NLGN3: variants seen among roughly 807,000 people sequenced by gnomAD.
NLGN3 encodes neuroligin 3.
Under a neutral mutation model 42.9 loss-of-function variants are expected in NLGN3, and 11 were observed. That is an observed-to-expected ratio of 0.26 (90% CI 0.16 to 0.42). The LOEUF is 0.42. Among genes scored for constraint, NLGN3 ranks in the 10% least tolerant of loss-of-function variants. NLGN3 has a pLI of 1.00. For missense variants in NLGN3, 374 were observed against 733.8 expected (o/e 0.51, Z 5.67); for synonymous variants, 279 against 312.7 (o/e 0.89, Z 1.14).
rs747037180 is a variant in NLGN3, at chrX:71,167,570, C to T, written c.1473C>T (p.Ala491=). The part of the protein sequence containing the change: ...HQWVEPSVVT[A]DLHARYGSPT... ...GGGTGGAGCCCTCAGTGGTGACAGC[C>T]GATCTGCATGCCCGCTACGGCTCGC... Residue 491 remains alanine, a synonymous_variant, in exon 7 of 8, where the codon GCC becomes GCT. Coordinates refer to ENST00000358741, the MANE Select transcript of NLGN3 (RefSeq NM_181303.2). 18 of 1,211,320 alleles carry T rather than the reference C, an allele frequency of 1.5e-5. No individual in the cohort carries two copies. Among genetic ancestry groups the T allele is most frequent in the Admixed American group, 1.3e-4 (6 of 45,996 alleles).
Position 71,170,277 on chromosome X carries a change from G to T in NLGN3, c.*180G>T. 8.9e-7 allele frequency: 1 copy of T among 1,120,165 alleles called. No homozygotes were observed. The highest frequency in any genetic ancestry group is 1.2e-6 in the Non-Finnish European group (1 of 853,531). 92.3% of individuals were successfully genotyped at this position (1,120,165 alleles called of 1,213,427 possible). A position where few individuals can be genotyped will look rare whatever the true frequency, so the allele number is the denominator to read the frequency against. On this transcript the variant is annotated 3_prime_UTR_variant, in exon 8 of 8. Coordinates refer to ENST00000358741, the MANE Select transcript of NLGN3 (RefSeq NM_181303.2). The stretch of plus-strand genomic sequence containing the variant: ...CATAGACAGATGTGGACATGCACCC[G>T]CATGTACAAAAACACAAATACGGAA...
At chrX:71,158,390 G>T (rs907924816) in intron 5 of NLGN3, among the ~76,000 whole-genome samples, 1 of 112,173 alleles carries the variant, frequency 8.9e-6, no homozygotes, top group Non-Finnish European at 1.9e-5. Flanking sequence ...CGGCTGGGCT[G>T]CACAGTTTCT....
rs970816942 is a variant in NLGN3, at chrX:71,151,340, T to C, written c.518-2137T>C. Reference sequence around the variant, plus strand: ...AGAAAAAAAAAAAACTCAGCTGGTTTCCCTAAGTCCCATGGGCCAATCAGG... The same window carrying C: ...AGAAAAAAAAAAAACTCAGCTGGTTCCCCTAAGTCCCATGGGCCAATCAGG... On this transcript the variant is annotated intron_variant, in intron 3 of 7. Coordinates refer to ENST00000358741, the MANE Select transcript of NLGN3 (RefSeq NM_181303.2). Among the ~76,000 whole-genome samples, 4 of 111,599 alleles carry C rather than the reference T, an allele frequency of 3.6e-5. No homozygotes were observed. The South Asian group carries it at 1.1e-3, about 31-fold the overall frequency.
intron 4 of NLGN3, among the ~76,000 whole-genome samples, chrX:71,154,740 C>T (rs2092402579): frequency 9.0e-6 from 1 of 111,716 alleles, no homozygotes; most frequent in East Asian, 2.8e-4. Context: ...TCTGTCTGCA[C>T]TGGGGGGCCA....
chrX:71,169,899 G>A lies in NLGN3; in HGVS notation c.2349G>A (p.Thr783=), dbSNP rs1328431668. 2.2e-5 allele frequency: 26 copies of A among 1,196,961 alleles called. No individual in the cohort carries two copies. The highest frequency in any genetic ancestry group is 2.3e-4 in the Middle Eastern group (1 of 4,361). ...HECEAGPPHD[T]LRLTALPDYT... ...GTGAGGCCGGTCCCCCCCATGACAC[G>A]CTGCGCCTCACTGCATTGCCCGACT... Residue 783 remains threonine (T), a synonymous_variant, in exon 8 of 8, where the codon ACG becomes ACA. Transcript: ENST00000358741.
intron 5 of NLGN3, among the ~76,000 whole-genome samples, chrX:71,161,620 A>G (rs1386994447): frequency 9.1e-6 from 1 of 110,130 alleles, no homozygotes; most frequent in Non-Finnish European, 1.9e-5. Context: ...TTAAAAATAT[A>G]AAAATTAGCC....
intron 4 of NLGN3, among the ~76,000 whole-genome samples, chrX:71,154,573 C>T (rs1241719673): frequency 8.9e-6 from 1 of 112,308 alleles, no homozygotes; most frequent in Non-Finnish European, 1.9e-5. Flanking sequence ...CCCAATGCTT[C>T]TGGTTAAGTC....
rs577101177 is a variant in NLGN3 at position 71,147,968 on chromosome X, C to G, written c.219C>G (p.Pro73=). ...CTGTGGACCAATACCTGGGGGTGCC[C>G]TACGCAGCTCCCCCGATCGGCGAGA... ...LGPVDQYLGV[P]YAAPPIGEKR... The change falls in exon 2 of 8, where the codon CCC becomes CCG. Residue 73 remains proline, a synonymous_variant. Transcript: ENST00000358741. The G allele has an allele frequency of 4.1e-6, 5 of 1,207,817 alleles. No homozygotes were observed. In the Admixed American group the frequency reaches 8.7e-5, roughly 21 times the overall value.
At chrX:71,156,080 C>T (rs767500205) in intron 5 of NLGN3, among the ~76,000 whole-genome samples, 1 of 110,536 alleles carries the variant, frequency 9.0e-6, no homozygotes, top group Non-Finnish European at 1.9e-5. Context: ...TACACCGATA[C>T]CCACGATGCA....
rs775021336 is a variant in NLGN3 at position 71,150,212 on chromosome X, T to G, written c.517+1307T>G. Among the ~76,000 whole-genome samples, 7 of 111,533 alleles carry G rather than the reference T, an allele frequency of 6.3e-5. No individual in the cohort carries two copies. In the South Asian group the frequency reaches 2.6e-3, roughly 42 times the overall value. On this transcript the variant is annotated intron_variant, in intron 3 of 7. Coordinates refer to ENST00000358741, the MANE Select transcript of NLGN3 (RefSeq NM_181303.2). Reference sequence around the variant, plus strand: ...ATGTTTTTTGTGTAATTCAGAAGCATCATGGTGCTGCAGAAAGAGTACAGG... The same window carrying G: ...ATGTTTTTTGTGTAATTCAGAAGCAGCATGGTGCTGCAGAAAGAGTACAGG...
At chrX:71,171,773 T>G, downstream of NLGN3, 14 of 424,448 alleles carry the variant, frequency 3.3e-5, no homozygotes, top group South Asian at 1.2e-4. Context: ...CTTGGGGCCC[T>G]GGGAGCGATT....
intron 5 of NLGN3, among the ~76,000 whole-genome samples, chrX:71,158,996 G>A (rs753058147): frequency 9.0e-6 from 1 of 110,933 alleles, no homozygotes; most frequent in Non-Finnish European, 1.9e-5. Flanking sequence ...GCACACATGC[G>A]TGTGTGCACA....
intron 6 of NLGN3, 49 bp downstream of exon 6, chrX:71,164,377 C>T (rs766867567): frequency 8.8e-7 from 1 of 1,133,000 alleles, no homozygotes; most frequent in Non-Finnish European, 1.2e-6. Flanking sequence ...GCCGGCTGTC[C>T]CAGCATGCCC....
Position 71,164,235 on chromosome X carries a change from T to G in NLGN3, c.820T>G (p.Phe274Val). 8 of 1,212,536 alleles carry G rather than the reference T, an allele frequency of 6.6e-6. No individual in the cohort carries two copies. Among genetic ancestry groups the G allele is most frequent in the Non-Finnish European group, 7.8e-6 (7 of 895,613 alleles). Reference sequence around the variant, plus strand: ...CCGCTGGGTGAGCGAGAATATTGCCTTCTTCGGGGGAGACCCCCGCCGGAT... The same window carrying G: ...CCGCTGGGTGAGCGAGAATATTGCCGTCTTCGGGGGAGACCCCCGCCGGAT... ...ALRWVSENIA[F>V]FGGDPRRITV... The change falls in exon 6 of 8, where the codon TTC becomes GTC. Residue 274 changes from phenylalanine (F) to valine (V), a missense_variant. Phe to Val is a conservative substitution (Grantham distance 50). This residue lies in a region of NLGN3 where 28 missense variants were observed against 48.2 expected (regional missense o/e 0.58). Transcript: ENST00000358741.
At chrX:71,152,410 C>T (rs2092394426) in intron 3 of NLGN3, among the ~76,000 whole-genome samples, 1 of 110,493 alleles carries the variant, frequency 9.1e-6, no homozygotes, top group Admixed American at 9.7e-5. Flanking sequence ...TCCCTTCCTT[C>T]CCCTTTCCCC....
In NLGN3 at chrX:71,164,125, G is replaced by A. The variant is rs767734683; in HGVS notation, c.728-18G>A. 8.3e-7 allele frequency: 1 copy of A among 1,209,674 alleles called. No homozygotes were observed. Among genetic ancestry groups the A allele is most frequent in the South Asian group, 1.8e-5 (1 of 56,830 alleles). On this transcript the variant is annotated intron_variant, in intron 5 of 7. Transcript: ENST00000358741. ...ATCCCTCTGCCTTCATTGTCTTCAT[G>A]CCCTTTGTTGAATCCAGGTTTCCTG... is the stretch of plus-strand genomic sequence containing the variant.
In NLGN3 at chrX:71,149,189, G is replaced by A. The variant is rs775392102; in HGVS notation, c.517+284G>A. Among the ~76,000 whole-genome samples the A allele has an allele frequency of 4.5e-5, 5 of 111,483 alleles. No homozygotes were observed. The South Asian group carries it at 1.9e-3, about 43-fold the overall frequency. ...AAAGGCAGAGCCAGTGGCTCTCTCG[G>A]TGACACCTCAGGAGAAACTCTAGGA... On this transcript the variant is annotated intron_variant, in intron 3 of 7. Coordinates refer to ENST00000358741, the MANE Select transcript of NLGN3 (RefSeq NM_181303.2).
At chrX:71,168,866 AAAGAG>A (rs1190856833) in intron 7 of NLGN3, among the ~76,000 whole-genome samples, 2 of 89,934 alleles carry the variant, frequency 2.2e-5, no homozygotes, top group African/African-American at 1.2e-4. Context: ...AGAAAGAAAG[AAAGAG>A]AAAGAAAAGA....
intron 7 of NLGN3, among the ~76,000 whole-genome samples, chrX:71,168,808 GAA>G (rs1569485628): frequency 7.3e-5 from 3 of 40,846 alleles, no homozygotes; most frequent in Non-Finnish European, 1.2e-4. Context: ...GAGAAAGAAA[GAA>G]AGAGAAAAAA....
Sources: allele counts gnomAD v4.1 joint callset (sites outside exome capture counted in the v4.1 genomes callset), GRCh38; gene constraint gnomAD v4.1.1; regional missense constraint gnomAD v4.1.1; transcripts MANE v1.5; gene names NCBI Gene and HGNC (gene_info 2026-07-23, HGNC 2026-07-21).